SAMD12: variants seen among roughly 807,000 people sequenced by gnomAD.
SAMD12 encodes sterile alpha motif domain-containing protein 12.
Under a neutral mutation model 15.0 loss-of-function variants are expected in SAMD12, and 9 were observed. The ratio of observed to expected loss-of-function variants is 0.60; its 90% CI spans 0.36 to 1.05. The LOEUF (loss-of-function observed/expected upper bound fraction) is 1.05. Ranked by LOEUF, SAMD12 falls within the 50% of genes least tolerant of loss-of-function variation. The pLI, the probability that SAMD12 is intolerant of heterozygous loss-of-function variation, is 0.01. For missense variants in SAMD12, 230 were observed against 234.2 expected (o/e 0.98, Z 0.12); for synonymous variants, 86 against 90.1 (o/e 0.96, Z 0.25).
chr8:118,423,464 G>A (rs904653969), intron 3 of SAMD12, among the ~76,000 whole-genome samples: 1 of 152,254 alleles, frequency 6.6e-6, no homozygotes, highest in East Asian at 1.9e-4. Context: ...GAAGTTTAAC[G>A]TTTATCTTGA....
chr8:118,486,558 G>A (rs1257374547), intron 2 of SAMD12, among the ~76,000 whole-genome samples: 1 of 152,100 alleles, frequency 6.6e-6, no homozygotes, highest in Non-Finnish European at 1.5e-5. Context: ...ACTAGAGAAG[G>A]CAAGAAAACA....
intron 3 of SAMD12, among the ~76,000 whole-genome samples, chr8:118,400,074 T>C (rs1279465850): frequency 6.6e-6 from 1 of 152,232 alleles, no homozygotes; most frequent in African/African-American, 2.4e-5. Context: ...ATAATCACAG[T>C]GCATGATGTA....
chr8:118,276,581 C>T lies in SAMD12; in HGVS notation c.434-78849G>A, dbSNP rs114390719. 6.5e-3 allele frequency among the ~76,000 whole-genome samples: 988 copies of T among 152,224 alleles called. 12 individuals are homozygous for T. Among genetic ancestry groups the T allele is most frequent in the African/African-American group, 0.023 (938 of 41,548 alleles). On this transcript the variant is annotated intron_variant, in intron 4 of 4. Coordinates refer to the SAMD12 transcript ENST00000409003. ...ACTTTTGTCTTTTAATGGGAGAGGA[C>T]AATAACAGTTGGATTGATTTTATTG...
At chr8:118,297,123 T>A (rs573171142) in intron 4 of SAMD12, among the ~76,000 whole-genome samples, 26 of 152,192 alleles carry the variant, frequency 1.7e-4, no homozygotes, top group Non-Finnish European at 2.9e-4. Flanking sequence ...ATGAGGTAAG[T>A]GTAGAGATAA....
In SAMD12 at chr8:118,200,197, A is replaced by G. The variant is rs1194232646; in HGVS notation, c.434-2465T>C. On this transcript the variant is annotated intron_variant, in intron 4 of 4. Coordinates refer to the SAMD12 transcript ENST00000409003. The stretch of plus-strand genomic sequence containing the variant: ...GAGTCAATTAAACCTCTTTTCCTTT[A>G]TAATTTACCCAGTCTGGTATGTCTT... 3.3e-5 allele frequency among the ~76,000 whole-genome samples: 5 copies of G among 152,160 alleles called. No homozygotes were observed. In the East Asian group the frequency reaches 9.6e-4, roughly 29 times the overall value.
intron 3 of SAMD12, 36 bp from the exon 4 acceptor site, chr8:118,379,736 G>C: frequency 6.3e-7 from 1 of 1,597,768 alleles, no homozygotes; most frequent in Non-Finnish European, 8.5e-7. Context: ...AAAAGCAAAT[G>C]AACTACTTGC....
intron 4 of SAMD12, among the ~76,000 whole-genome samples, chr8:118,359,869 G>C (rs1397494357): frequency 6.6e-6 from 1 of 152,176 alleles, no homozygotes; most frequent in African/African-American, 2.4e-5. Flanking sequence ...GTATCCTGGG[G>C]TGTGGACCAA....
At chr8:118,479,774 CTT>C (rs66477123) in intron 2 of SAMD12, among the ~76,000 whole-genome samples, 19,368 of 149,070 alleles carry the variant, frequency 0.13, 1,427 homozygotes, top group Non-Finnish European at 0.16. Flanking sequence ...CCATGATACT[CTT>C]TTTTTTTTTT....
rs56200866 is a variant in SAMD12 at position 118,305,144 on chromosome 8, C to CAAAA, written c.433+74412_433+74415dup. Reference sequence around the variant, plus strand: ...AGCCTGGGCAAAAGTGACTCCCTGTCAAAAAAAAAAAAAAAAAAAAAAAAA... The same window carrying CAAAA: ...AGCCTGGGCAAAAGTGACTCCCTGTCAAAAAAAAAAAAAAAAAAAAAAAAAAAAA... On this transcript the variant is annotated intron_variant, in intron 4 of 4. Transcript: ENST00000409003. Among the ~76,000 whole-genome samples the CAAAA allele has an allele frequency of 1.6e-3, 79 of 48,886 alleles. 8 individuals carry two copies. The highest frequency in any genetic ancestry group is 2.1e-3 in the Non-Finnish European group (57 of 26,954). The allele number at this position is 48,886 out of a possible 152,430, so 32.1% of individuals were successfully genotyped here.
rs1819815080 is a variant in SAMD12 at position 118,204,747 on chromosome 8, CTG to C, written c.434-7017_434-7016del. On this transcript the variant is annotated intron_variant, in intron 4 of 4. Transcript: ENST00000409003. Reference sequence around the variant, plus strand: ...CCAGCCTAGGCGACAGAGCGAGACTCTGTCTCAAAAAAAGAAAAAAAGAAAAA... The same window carrying C: ...CCAGCCTAGGCGACAGAGCGAGACTCTCTCAAAAAAAGAAAAAAAGAAAAA... Among the ~76,000 whole-genome samples the C allele has an allele frequency of 7.2e-5, 11 of 151,890 alleles. No individual in the cohort carries two copies. The South Asian group carries it at 2.3e-3, about 32-fold the overall frequency.
chr8:118,596,000 A>G (rs1008781111), intron 1 of SAMD12, among the ~76,000 whole-genome samples: 4 of 152,334 alleles, frequency 2.6e-5, no homozygotes, highest in African/African-American at 9.6e-5. Flanking sequence ...AGTGGACAAG[A>G]TGTGAGCAGG....
At chr8:118,158,569 G>A in the SAMD12 span, among the ~76,000 whole-genome samples, 3 of 152,240 alleles carry the variant, frequency 2.0e-5, no homozygotes, top group East Asian at 5.8e-4. Flanking sequence ...GTAGAAAGTG[G>A]ACAGGCTCCT....
chr8:118,302,527 G>T (rs1477939227), intron 4 of SAMD12, among the ~76,000 whole-genome samples: 1 of 152,104 alleles, frequency 6.6e-6, no homozygotes, highest in Non-Finnish European at 1.5e-5. Flanking sequence ...ATTAAATCCA[G>T]GCCATAATCC....
chr8:118,484,066 C>G (rs896765977), intron 2 of SAMD12, among the ~76,000 whole-genome samples: 1 of 152,134 alleles, frequency 6.6e-6, no homozygotes, highest in Non-Finnish European at 1.5e-5. Flanking sequence ...TACAGTGATA[C>G]ATGCTATGAG....
intron 2 of SAMD12, among the ~76,000 whole-genome samples, chr8:118,493,887 C>T (rs1415648417): frequency 6.6e-6 from 1 of 152,170 alleles, no homozygotes; most frequent in Non-Finnish European, 1.5e-5. Flanking sequence ...CAGATCATGC[C>T]TCACTATCCT....
At chr8:118,376,558 G>C (rs538525975), downstream of SAMD12, among the ~76,000 whole-genome samples, 1 of 152,078 alleles carries the variant, frequency 6.6e-6, no homozygotes, top group South Asian at 2.1e-4. Context: ...AATTTTTGTT[G>C]TTTATAAGCT....
intron 4 of SAMD12, among the ~76,000 whole-genome samples, chr8:118,279,219 C>T (rs1158755359): frequency 6.6e-6 from 1 of 152,226 alleles, no homozygotes; most frequent in East Asian, 1.9e-4. Flanking sequence ...ACAATTTTTC[C>T]CTTTGCTAGA....
chr8:118,369,221 T>A (rs961777903), intron 4 of SAMD12, among the ~76,000 whole-genome samples: 1 of 152,102 alleles, frequency 6.6e-6, no homozygotes, highest in Admixed American at 6.6e-5. Context: ...CGTAGACCAA[T>A]GGAACAGAAT....
chr8:118,489,618 T>A (rs1274422746), intron 2 of SAMD12, among the ~76,000 whole-genome samples: 3 of 152,196 alleles, frequency 2.0e-5, no homozygotes, highest in African/African-American at 7.2e-5. Flanking sequence ...TGCTTTAAAA[T>A]CCTTCCTATC....
Sources: gnomAD v4.1 joint callset for allele counts (sites outside exome capture counted in the v4.1 genomes callset) on GRCh38, gnomAD v4.1.1 for gene constraint, MANE v1.5 for transcripts, NCBI Gene and HGNC (gene_info 2026-07-23, HGNC 2026-07-21) for gene names.